Variants in GSK3B observed in about 807,000 individuals in gnomAD.
GSK3B encodes the protein glycogen synthase kinase 3 beta, also known as glycogen synthase kinase-3 beta.
In GSK3B, 15 loss-of-function variants were observed where a neutral mutation model predicts 56.4. That is an observed-to-expected ratio of 0.27 (90% confidence interval 0.18 to 0.41). The LOEUF is 0.41. Among genes scored for constraint, GSK3B ranks in the 10% least tolerant of loss-of-function variants. The pLI, the probability that GSK3B is intolerant of heterozygous loss-of-function variation, is 1.00. For missense variants in GSK3B, 300 were observed against 513.4 expected (o/e 0.58, Z 4.02); for synonymous variants, 181 against 188.9 (o/e 0.96, Z 0.34).
At chr3:119,867,692 G>A in intron 8 of GSK3B, among the ~76,000 whole-genome samples, 1 of 152,126 alleles carries the variant, frequency 6.6e-6, no homozygotes, top group Non-Finnish European at 1.5e-5. Context: ...TAGGTATTGA[G>A]AACAAAAAAT....
intron 2 of GSK3B, among the ~76,000 whole-genome samples, chr3:119,966,729 T>TA (rs1284435999): frequency 2.0e-5 from 3 of 152,220 alleles, no homozygotes; most frequent in Non-Finnish European, 2.9e-5. Context: ...ATAGATTTTT[T>TA]ATCTCAGGGT....
intron 9 of GSK3B, among the ~76,000 whole-genome samples, chr3:119,852,095 T>A (rs956828783): frequency 4.6e-5 from 7 of 152,150 alleles, no homozygotes; most frequent in Non-Finnish European, 8.8e-5. Flanking sequence ...ATCAGACAAA[T>A]AGTAAGCAAA....
rs1199238824 is a variant in GSK3B at position 119,821,646 on chromosome 3, T to C, written c.*5142A>G. ...AACACAGTAATCAAAGACAGCAGCT[T>C]ATACACATTTAAAAACTGTCCCTTT... On this transcript the variant is annotated 3_prime_UTR_variant, in exon 11 of 11. Coordinates refer to ENST00000264235, the MANE Select transcript of GSK3B (RefSeq NM_001146156.2). 1 of 152,360 alleles carries C rather than the reference T, an allele frequency of 6.6e-6. No individual in the cohort carries two copies. The highest frequency in any genetic ancestry group is 1.5e-5 in the Non-Finnish European group (1 of 68,130). 9.4% of individuals were successfully genotyped at this position (152,360 alleles called of 1,614,324 possible).
rs1284613934 is a variant in GSK3B at position 120,017,836 on chromosome 3, G to T, written c.89-15597C>A. Reference sequence around the variant, plus strand: ...CAGATAGCAGTCTGAAAAAATATTTGTTCATTTATAAGTGACAAATTTCTA... The same window carrying T: ...CAGATAGCAGTCTGAAAAAATATTTTTTCATTTATAAGTGACAAATTTCTA... On this transcript the variant is annotated intron_variant, in intron 1 of 10. Coordinates refer to ENST00000264235, the MANE Select transcript of GSK3B (RefSeq NM_001146156.2). 4.6e-5 allele frequency among the ~76,000 whole-genome samples: 7 copies of T among 152,242 alleles called. No individual in the cohort carries two copies. The East Asian group carries it at 1.2e-3, about 25-fold the overall frequency.
chr3:119,862,539 A>AT (rs973234303), intron 9 of GSK3B, among the ~76,000 whole-genome samples: 2 of 149,164 alleles, frequency 1.3e-5, no homozygotes, highest in Non-Finnish European at 3.0e-5. Flanking sequence ...AAAAAAAAAA[A>AT]AAAAGAAAGA....
chr3:119,970,661 C>G (rs1372226610), intron 2 of GSK3B, among the ~76,000 whole-genome samples: 1 of 150,910 alleles, frequency 6.6e-6, no homozygotes, highest in South Asian at 2.1e-4. Flanking sequence ...GTGGCAGATG[C>G]CTGTAATCCC....
In GSK3B at chr3:120,056,980, T is replaced by TA. The variant is rs529934111; in HGVS notation, c.88+36366dup. ...CATAATGGCAAAACCTTGTCTCTAC[T>TA]AAAAAAATACAAAAATTAGCAATGC... On this transcript the variant is annotated intron_variant, in intron 1 of 10. Coordinates refer to ENST00000264235, the MANE Select transcript of GSK3B (RefSeq NM_001146156.2). Among the ~76,000 whole-genome samples, 40 of 152,004 alleles carry TA rather than the reference T, an allele frequency of 2.6e-4. No individual in the cohort carries two copies. The East Asian group carries it at 7.4e-3, about 28-fold the overall frequency.
chr3:120,020,095 A>G (rs1559879053), intron 1 of GSK3B, among the ~76,000 whole-genome samples: 1 of 152,238 alleles, frequency 6.6e-6, no homozygotes, highest in Non-Finnish European at 1.5e-5. Context: ...AAAATATTAC[A>G]ATTTTAACTG....
At chr3:119,834,070 C>T (rs980201233) in intron 10 of GSK3B, among the ~76,000 whole-genome samples, 10 of 152,060 alleles carry the variant, frequency 6.6e-5, no homozygotes, top group East Asian at 1.9e-4. Flanking sequence ...GCACATTTTA[C>T]GTGTTTCTAC....
chr3:119,958,938 G>T (rs2057242875), intron 2 of GSK3B, among the ~76,000 whole-genome samples: 1 of 150,684 alleles, frequency 6.6e-6, no homozygotes, highest in East Asian at 1.9e-4. Flanking sequence ...AGAAACGGGG[G>T]CATCAGCCTA....
At chr3:119,968,296 C>T (rs759556819) in intron 2 of GSK3B, among the ~76,000 whole-genome samples, 1 of 152,158 alleles carries the variant, frequency 6.6e-6, no homozygotes, top group African/African-American at 2.4e-5. Context: ...CCAGCCTGGA[C>T]CACTTCTTTA....
In GSK3B at chr3:120,070,010, C is replaced by T. The variant is rs557659021; in HGVS notation, c.88+23337G>A. Reference sequence around the variant, plus strand: ...TGGGTGGATCATGAGGTCAAGAGATCGAGACCATCCTGGCCAAAATGGCGA... The same window carrying T: ...TGGGTGGATCATGAGGTCAAGAGATTGAGACCATCCTGGCCAAAATGGCGA... On this transcript the variant is annotated intron_variant, in intron 1 of 10. Transcript: ENST00000264235. Among the ~76,000 whole-genome samples the T allele has an allele frequency of 2.0e-5, 3 of 152,134 alleles. No individual in the cohort carries two copies. In the South Asian group the frequency reaches 6.2e-4, roughly 32 times the overall value.
In GSK3B at chr3:119,823,418, G is replaced by A. The variant is rs754300042; in HGVS notation, c.*3370C>T. 5 of 198,900 alleles carry A rather than the reference G, an allele frequency of 2.5e-5. No homozygotes were observed. The highest frequency in any genetic ancestry group is 5.2e-5 in the Non-Finnish European group (5 of 96,278). The allele number at this position is 198,900 out of a possible 1,614,324, so 12.3% of individuals were successfully genotyped here. ...CTAGTAATTGCACTATAGCATTTTA[G>A]ACCACTGACGTATCAAAACCTGATA... is the stretch of plus-strand genomic sequence containing the variant. On this transcript the variant is annotated 3_prime_UTR_variant, in exon 11 of 11. Transcript: ENST00000264235.
At position 120,093,653 on chromosome 3, in the gene GSK3B, A is replaced by G. The variant is rs2058534271; in HGVS notation, c.-219T>C. 1 of 449,994 alleles carries G rather than the reference A, an allele frequency of 2.2e-6. No homozygotes were observed. Among genetic ancestry groups the G allele is most frequent in the Non-Finnish European group, 4.0e-6 (1 of 249,050 alleles). The allele number at this position is 449,994 out of a possible 1,614,324, so 27.9% of individuals were successfully genotyped here. A position where few individuals can be genotyped will look rare whatever the true frequency, so the allele number is the denominator to read the frequency against. On this transcript the variant is annotated 5_prime_UTR_variant, in exon 1 of 11. Transcript: ENST00000264235. ...TCAAGACAGATCGGCACGGATATTT[A>G]ACATATAGATGATTTAGGACTTGGG...
chr3:120,027,270 A>G (rs1310279070), intron 1 of GSK3B, among the ~76,000 whole-genome samples: 20 of 129,102 alleles, frequency 1.5e-4, no homozygotes, highest in East Asian at 1.2e-3. Context: ...CCAGCTACTC[A>G]GGAGGCTGAG....
intron 1 of GSK3B, among the ~76,000 whole-genome samples, chr3:120,086,663 C>T (rs925544691): frequency 1.3e-5 from 2 of 152,058 alleles, no homozygotes; most frequent in African/African-American, 2.4e-5. Flanking sequence ...GGCATGTTGG[C>T]GCATGCCTAT....
chr3:120,066,575 A>G (rs1576306440), intron 1 of GSK3B, among the ~76,000 whole-genome samples: 1 of 152,308 alleles, frequency 6.6e-6, no homozygotes, highest in East Asian at 1.9e-4. Context: ...TTCTTAGGAT[A>G]ATAATAAAAT....
intron 1 of GSK3B, among the ~76,000 whole-genome samples, chr3:120,019,024 T>C (rs573330371): frequency 3.8e-4 from 58 of 152,240 alleles, no homozygotes; most frequent in Non-Finnish European, 6.3e-4. Context: ...AAAGGAAGCA[T>C]GGTTTTTCTA....
At chr3:119,968,982 C>T (rs935620797) in intron 2 of GSK3B, among the ~76,000 whole-genome samples, 12 of 152,018 alleles carry the variant, frequency 7.9e-5, no homozygotes, top group Non-Finnish European at 1.6e-4. Flanking sequence ...ATAAATCTAA[C>T]AAAATATGTA....
Sources: allele counts gnomAD v4.1 joint callset (sites outside exome capture counted in the v4.1 genomes callset), GRCh38; gene constraint gnomAD v4.1.1; transcripts MANE v1.5; gene names NCBI Gene and HGNC (gene_info 2026-07-23, HGNC 2026-07-21).